PRICKLE2: variants seen among roughly 807,000 people sequenced by gnomAD.
PRICKLE2 encodes prickle planar cell polarity protein 2, also known as prickle-like protein 2.
A neutral mutation model predicts 81.4 loss-of-function variants in PRICKLE2; 21 were observed. The observed-to-expected ratio is 0.26, with a 90% CI of 0.18 to 0.37. The LOEUF (loss-of-function observed/expected upper bound fraction) is 0.37. Ranked by LOEUF, PRICKLE2 falls within the 10% of genes least tolerant of loss-of-function variation. The pLI, the probability that PRICKLE2 is intolerant of heterozygous loss-of-function variation, is 1.00. For missense variants in PRICKLE2, 940 were observed against 1,109.0 expected, an observed-to-expected ratio of 0.85 and a Z score of 2.16; for synonymous variants, 456 against 421.5, an observed-to-expected ratio of 1.08 and a Z score of -1.00.
intron 7 of PRICKLE2, among the ~76,000 whole-genome samples, chr3:64,123,039 T>C (rs938972998): frequency 6.6e-6 from 1 of 152,174 alleles, no homozygotes; most frequent in Non-Finnish European, 1.5e-5. Flanking sequence ...GCTCCTGTCC[T>C]CAGCAGGATT....
intron 2 of PRICKLE2, among the ~76,000 whole-genome samples, chr3:64,256,604 C>T (rs1392923468): frequency 6.6e-6 from 1 of 152,150 alleles, no homozygotes; most frequent in Admixed American, 6.5e-5. Context: ...AAAATTAAAT[C>T]TCAAAAAAAG....
In PRICKLE2 at chr3:64,098,932, A is replaced by G. The variant is rs947152882; in HGVS notation, c.*119T>C. 1 of 1,146,270 alleles carries G rather than the reference A, an allele frequency of 8.7e-7. No homozygotes were observed. The highest frequency in any genetic ancestry group is 1.3e-6 in the Non-Finnish European group (1 of 762,352). The allele number at this position is 1,146,270 out of a possible 1,614,324, so 71.0% of individuals were successfully genotyped here. A position where few individuals can be genotyped will look rare whatever the true frequency, so the allele number is the denominator to read the frequency against. ...AACCTTGCCTCCATCTACTGACAGC[A>G]TTTTCCCTTTTCTCCCCCATAAGCC... On this transcript the variant is annotated 3_prime_UTR_variant, in exon 8 of 8. Transcript: ENST00000638394.
chr3:64,197,959 C>T lies in PRICKLE2; in HGVS notation c.144+825G>A, dbSNP rs908476674. On this transcript the variant is annotated intron_variant, in intron 2 of 7. Transcript: ENST00000638394. The stretch of plus-strand genomic sequence containing the variant: ...GGGTGTGGTGGCTCACGCCTGTAAT[C>T]CCAGCACTTTGGGAGGCCAACACGG... Among the ~76,000 whole-genome samples, 6 of 152,186 alleles carry T rather than the reference C, an allele frequency of 3.9e-5. No homozygotes were observed. In the South Asian group the frequency reaches 1.0e-3, roughly 26 times the overall value.
intron 7 of PRICKLE2, among the ~76,000 whole-genome samples, chr3:64,134,323 C>G (rs145794007): frequency 6.6e-6 from 1 of 152,150 alleles, no homozygotes; most frequent in Non-Finnish European, 1.5e-5. Context: ...ACGGGGCTTC[C>G]GAAGCATCCA....
At position 64,198,857 on chromosome 3, in the gene PRICKLE2, G is replaced by A; in HGVS notation, c.71C>T (p.Ser24Leu). 2 of 1,614,152 alleles carry A rather than the reference G, an allele frequency of 1.2e-6. No homozygotes were observed. The highest frequency in any genetic ancestry group is 1.7e-6 in the Non-Finnish European group (2 of 1,180,028). ...ACAGCCTGAGTCATCATCTGAGGTC[G>A]AGTTCCTCTGAAAGTCAAACATGAG... ...SKLMFDFQRN[S>L]TSDDDSGCAL... The change falls in exon 2 of 8, where the codon TCG becomes TTG. Residue 24 changes from serine to leucine, a missense_variant. Ser to Leu is a moderately radical substitution (Grantham distance 145, BLOSUM62 -2). Coordinates refer to ENST00000638394, the MANE Select transcript of PRICKLE2 (RefSeq NM_198859.4).
At position 64,147,145 on chromosome 3, in the gene PRICKLE2, G is replaced by C; in HGVS notation, c.1345C>G (p.Pro449Ala). ...ATGGCCAGTGACGAGCTCCTTTTGG[G>C]GTTGCTGAAGTGCTTGCCCCACATT... Reference protein sequence around the residue: ...PEMWGKHFSNPKRSSSLAMTG... With the variant: ...PEMWGKHFSNAKRSSSLAMTG... Residue 449 changes from proline to alanine, a missense_variant, in exon 7 of 8, where the codon CCC becomes GCC. Coordinates refer to ENST00000638394, the MANE Select transcript of PRICKLE2 (RefSeq NM_198859.4). The surrounding 1 kb of genome is among the most constrained non-coding windows in gnomAD (Gnocchi z 5.0). The C allele has an allele frequency of 6.2e-7, 1 of 1,614,172 alleles. No homozygotes were observed. The highest frequency in any genetic ancestry group is 8.5e-7 in the Non-Finnish European group (1 of 1,180,028).
chr3:64,226,358 T>C (rs1426656822), upstream of PRICKLE2, among the ~76,000 whole-genome samples: 1 of 152,182 alleles, frequency 6.6e-6, no homozygotes, highest in Non-Finnish European at 1.5e-5. Context: ...ATCTATACAT[T>C]TGGAGAGCCC....
chr3:64,103,306 T>C (rs994734338), intron 7 of PRICKLE2, among the ~76,000 whole-genome samples: 2 of 152,174 alleles, frequency 1.3e-5, no homozygotes, highest in Admixed American at 6.5e-5. Flanking sequence ...CACACAGAAT[T>C]TTCCAAACCA....
chr3:64,157,815 T>C (rs1396786628), intron 4 of PRICKLE2, among the ~76,000 whole-genome samples: 1 of 152,160 alleles, frequency 6.6e-6, no homozygotes, highest in African/African-American at 2.4e-5. Flanking sequence ...TATACTTTTA[T>C]ATGGGAGGGA....
chr3:64,093,427 G>T lies in PRICKLE2; in HGVS notation c.*5624C>A, dbSNP rs774962394. 2.6e-5 allele frequency: 4 copies of T among 152,152 alleles called. No individual in the cohort carries two copies. Among genetic ancestry groups the T allele is most frequent in the East Asian group, 1.9e-4 (1 of 5,190 alleles). The allele number at this position is 152,152 out of a possible 1,614,324, so 9.4% of individuals were successfully genotyped here. On this transcript the variant is annotated 3_prime_UTR_variant, in exon 8 of 8. Transcript: ENST00000638394. The stretch of plus-strand genomic sequence containing the variant: ...AGTAATTCTATTTTTAATTTTTTTT[G>T]AGGAACTGCCATACTGTTTTCCACA...
intron 2 of PRICKLE2, among the ~76,000 whole-genome samples, chr3:64,241,319 A>C (rs2079262052): frequency 6.6e-6 from 1 of 152,198 alleles, no homozygotes. Context: ...TAGTGGGGAC[A>C]CATTCTACAC....
At chr3:64,196,286 T>C (rs57288803) in intron 2 of PRICKLE2, among the ~76,000 whole-genome samples, 18,032 of 152,146 alleles carry the variant, frequency 0.12, 2,595 homozygotes, top group African/African-American at 0.35. Flanking sequence ...CTTTGGAAAA[T>C]TCAGAGCCCA....
chr3:64,131,908 T>C (rs2077202408), intron 7 of PRICKLE2, among the ~76,000 whole-genome samples: 1 of 152,184 alleles, frequency 6.6e-6, no homozygotes, highest in Non-Finnish European at 1.5e-5. Flanking sequence ...CTCAGAGGGA[T>C]ACCAGGAGGT....
intron 7 of PRICKLE2, chr3:64,102,410 T>A (rs1313514362): frequency 1.3e-5 from 2 of 152,200 alleles, no homozygotes; most frequent in Non-Finnish European, 2.9e-5. Context: ...TAGACTCTCA[T>A]AGGAGTGTAA....
chr3:64,231,533 A>G (rs1334016213), intron 2 of PRICKLE2, among the ~76,000 whole-genome samples: 1 of 152,146 alleles, frequency 6.6e-6, no homozygotes, highest in Non-Finnish European at 1.5e-5. Context: ...AAATACGAAC[A>G]CTCAGGTTCC....
chr3:64,256,956 A>T (rs1312876878), intron 2 of PRICKLE2, among the ~76,000 whole-genome samples: 2 of 152,186 alleles, frequency 1.3e-5, no homozygotes, highest in Non-Finnish European at 2.9e-5. Context: ...TTTTTCTGGA[A>T]TGGTTTGGTA....
intron 2 of PRICKLE2, among the ~76,000 whole-genome samples, chr3:64,189,589 T>C (rs895515893): frequency 1.3e-5 from 2 of 152,200 alleles, no homozygotes; most frequent in African/African-American, 4.8e-5. Flanking sequence ...AAGTTTCTGA[T>C]CCTGTGAGCC....
At chr3:64,191,337 A>G (rs1396867495) in intron 2 of PRICKLE2, among the ~76,000 whole-genome samples, 1 of 152,178 alleles carries the variant, frequency 6.6e-6, no homozygotes, top group Non-Finnish European at 1.5e-5. Context: ...GAAAGATGGG[A>G]AGGAAACAAC....
chr3:64,264,922 C>A (rs750416972), intron 2 of PRICKLE2, among the ~76,000 whole-genome samples: 3 of 152,066 alleles, frequency 2.0e-5, no homozygotes, highest in Non-Finnish European at 4.4e-5. Flanking sequence ...TGTTAAAAGT[C>A]AAATATGAAG....
Sources: allele counts gnomAD v4.1 joint callset (sites outside exome capture counted in the v4.1 genomes callset), GRCh38; gene constraint gnomAD v4.1.1; non-coding constraint Gnocchi (gnomAD v3.1); transcripts MANE v1.5; gene names NCBI Gene and HGNC (gene_info 2026-07-23, HGNC 2026-07-21).